HERC2: variants seen among roughly 807,000 people sequenced by gnomAD.
HERC2 encodes HECT and RLD domain containing E3 ubiquitin protein ligase 2, also known as E3 ubiquitin-protein ligase HERC2.
In HERC2, 102 loss-of-function variants were observed where a neutral mutation model predicts 537.7. The ratio of observed to expected loss-of-function variants is 0.19; its 90% CI spans 0.16 to 0.22. The LOEUF is 0.22. Among genes scored for constraint, HERC2 ranks in the 10% least tolerant of loss-of-function variants. The probability of loss-of-function intolerance (pLI) is 1.00; values close to 1 mark genes in which losing one functional copy is unlikely to be tolerated. For synonymous variants in HERC2, 2,224 were observed against 2,466.2 expected (o/e 0.90, Z 2.91); for missense variants, 4,236 against 6,198.2 (o/e 0.68, Z 10.63).
At chr15:28,301,313 G>A (rs951508083) in intron 2 of HERC2, among the ~76,000 whole-genome samples, 4 of 151,960 alleles carry the variant, frequency 2.6e-5, no homozygotes, top group African/African-American at 9.7e-5. Context: ...TACTTGGGAG[G>A]CTGAGGCAGG....
In HERC2 at chr15:28,177,153, T is replaced by C; in HGVS notation, c.9255-26A>G. On this transcript the variant is annotated intron_variant, in intron 60 of 92. Coordinates refer to ENST00000261609, the MANE Select transcript of HERC2 (RefSeq NM_004667.6). The surrounding 1 kb of genome is among the most constrained non-coding windows in gnomAD (Gnocchi z 5.0). ...CTACAACAAGATGAAATCAGCTCTC[T>C]ACAGTCAATCTGTCCCTTCTTAGAG... 17 of 1,597,740 alleles carry C rather than the reference T, an allele frequency of 1.1e-5. No individual in the cohort carries two copies. The highest frequency in any genetic ancestry group is 1.4e-5 in the Non-Finnish European group (16 of 1,169,100).
chr15:28,183,419 T>C (rs1376998595), intron 56 of HERC2, among the ~76,000 whole-genome samples: 1 of 152,094 alleles, frequency 6.6e-6, no homozygotes, highest in Non-Finnish European at 1.5e-5. Context: ...CACTATATCG[T>C]CAAGGCTGGT....
chr15:28,255,107 G>C (rs1395154443), intron 19 of HERC2, among the ~76,000 whole-genome samples: 2 of 152,168 alleles, frequency 1.3e-5, no homozygotes, highest in South Asian at 2.1e-4. Context: ...AGGACAAGGT[G>C]GGGGGATCAC....
chr15:28,307,868 T>C (rs1466536998), intron 2 of HERC2, among the ~76,000 whole-genome samples: 3 of 152,126 alleles, frequency 2.0e-5, no homozygotes, highest in African/African-American at 7.2e-5. Flanking sequence ...ACCGTAGATG[T>C]GCGGATTTGT....
chr15:28,225,660 T>C (rs1901056118), intron 35 of HERC2, among the ~76,000 whole-genome samples: 1 of 133,724 alleles, frequency 7.5e-6, no homozygotes, highest in African/African-American at 2.9e-5. Flanking sequence ...ACTGTGCCAC[T>C]GCACTCTGGC....
intron 71 of HERC2, 140 bp from the exon 72 acceptor site, chr15:28,144,944 GCA>G: frequency 1.0e-6 from 1 of 1,001,176 alleles, no homozygotes; most frequent in Admixed American, 2.1e-5. Flanking sequence ...AAGCCGAAGT[GCA>G]CAGTGACACA....
At chr15:28,232,555 A>G (rs1901991268) in intron 30 of HERC2, among the ~76,000 whole-genome samples, 1 of 152,008 alleles carries the variant, frequency 6.6e-6, no homozygotes, top group South Asian at 2.1e-4. Flanking sequence ...CTCAAAGAAA[A>G]AAAAAAAAAA....
chr15:28,303,512 G>A (rs1313761654), intron 2 of HERC2, among the ~76,000 whole-genome samples: 1 of 152,124 alleles, frequency 6.6e-6, no homozygotes, highest in Non-Finnish European at 1.5e-5. Flanking sequence ...TTTTGCTCAG[G>A]ATGGCTTTGG....
At chr15:28,246,388 A>G (rs1469581292) in intron 22 of HERC2, among the ~76,000 whole-genome samples, 1 of 152,192 alleles carries the variant, frequency 6.6e-6, no homozygotes, top group African/African-American at 2.4e-5. Flanking sequence ...TCTAACCTCA[A>G]AAAGTTAAAA....
At chr15:28,184,600 G>C (rs1596154750) in intron 56 of HERC2, among the ~76,000 whole-genome samples, 1 of 151,920 alleles carries the variant, frequency 6.6e-6, no homozygotes, top group East Asian at 2.0e-4. Flanking sequence ...AGTGGCTCAC[G>C]CCTATAATCC....
At chr15:28,116,926 C>T (rs772702490) in intron 87 of HERC2, 67 bp from the exon 88 acceptor site, 2 of 1,609,916 alleles carry the variant, frequency 1.2e-6, no homozygotes, top group Non-Finnish European at 1.7e-6. Flanking sequence ...CCCCAACGCT[C>T]CCACACCATG....
intron 2 of HERC2, among the ~76,000 whole-genome samples, chr15:28,311,853 T>A (rs1022239426): frequency 5.3e-5 from 8 of 152,130 alleles, no homozygotes; most frequent in Non-Finnish European, 1.0e-4. Context: ...TGAGAAACAT[T>A]AGTGTTACAG....
At chr15:28,311,802 G>C (rs1216430427) in intron 2 of HERC2, among the ~76,000 whole-genome samples, 1 of 152,142 alleles carries the variant, frequency 6.6e-6, no homozygotes, top group South Asian at 2.1e-4. Context: ...CCCCAGACTG[G>C]CTGGGCTCCA....
Position 28,220,432 on chromosome 15 carries a change from C to A in HERC2, c.5845+20G>T, listed in dbSNP as rs958020576. ...AGTTTGTGGGCTGCCTTGGACTAAA[C>A]ACCTTCCTGAGTCACCCACCAGAGT... On this transcript the variant is annotated intron_variant, in intron 37 of 92. Transcript: ENST00000261609. The A allele has an allele frequency of 5.0e-6, 8 of 1,605,216 alleles. No homozygotes were observed. The highest frequency in any genetic ancestry group is 6.8e-6 in the Non-Finnish European group (8 of 1,178,458).
intron 19 of HERC2, 102 bp downstream of exon 19, chr15:28,255,768 TAA>T (rs2075239056): frequency 1.6e-6 from 2 of 1,258,960 alleles, no homozygotes; most frequent in Non-Finnish European, 2.2e-6. Context: ...TTGGATATGA[TAA>T]AAGTTTAGAG....
At chr15:28,142,560 C>G in intron 75 of HERC2, 167 bp from the exon 76 acceptor site, 1 of 726,970 alleles carries the variant, frequency 1.4e-6, no homozygotes, top group Non-Finnish European at 2.3e-6. Context: ...AGTTCCTAGC[C>G]ACGTGCCACA....
chr15:28,144,636 G>T, intron 72 of HERC2, 37 bp downstream of exon 72: 1 of 1,613,808 alleles, frequency 6.2e-7, no homozygotes, highest in Non-Finnish European at 8.5e-7. Flanking sequence ...TCCACAGCCA[G>T]TCATCTAACC....
chr15:28,151,856 G>C (rs1246062239), intron 70 of HERC2, among the ~76,000 whole-genome samples: 1 of 152,036 alleles, frequency 6.6e-6, no homozygotes, highest in African/African-American at 2.4e-5. Context: ...CTTTTATCTT[G>C]TCTTTCTCAG....
intron 83 of HERC2, among the ~76,000 whole-genome samples, chr15:28,129,777 C>T (rs1395997965): frequency 1.7e-5 from 2 of 114,748 alleles, no homozygotes; most frequent in Non-Finnish European, 3.8e-5. Context: ...AAGCCTCTGC[C>T]TCCTTTTTTT....
Sources: gnomAD v4.1 joint callset for allele counts (sites outside exome capture counted in the v4.1 genomes callset) on GRCh38, gnomAD v4.1.1 for gene constraint, Gnocchi (gnomAD v3.1) non-coding constraint, MANE v1.5 for transcripts, NCBI Gene and HGNC (gene_info 2026-07-23, HGNC 2026-07-21) for gene names.